Variants in CCDC149 observed in about 807,000 individuals in gnomAD.
The protein encoded by CCDC149 is coiled-coil domain containing 149.
CCDC149 carries 45 observed loss-of-function variants against 59.9 expected under a neutral mutation model. That is an observed-to-expected ratio of 0.75 (90% confidence interval 0.59 to 0.96). CCDC149 has a LOEUF of 0.96. Ranked by LOEUF, CCDC149 falls within the 40% of genes least tolerant of loss-of-function variation. The probability of loss-of-function intolerance (pLI) is 0.00; values close to 1 mark genes in which losing one functional copy is unlikely to be tolerated. For missense variants in CCDC149, 584 were observed against 664.7 expected, an observed-to-expected ratio of 0.88 and a Z score of 1.33; for synonymous variants, 245 against 260.6, an observed-to-expected ratio of 0.94 and a Z score of 0.58.
At chr4:24,880,331 G>A (rs181391513) in intron 1 of CCDC149, among the ~76,000 whole-genome samples, 13 of 152,214 alleles carry the variant, frequency 8.5e-5, no homozygotes, top group African/African-American at 3.1e-4. Flanking sequence ...TGCCATCTAG[G>A]TTTGTGTAAG....
chr4:24,873,821 A>G (rs945290487), intron 2 of CCDC149, 102 bp from the exon 3 acceptor site: 13 of 647,596 alleles, frequency 2.0e-5, no homozygotes, highest in Non-Finnish European at 3.3e-5. Flanking sequence ...GACTCTCCCC[A>G]CCCTCCCCAC....
chr4:24,945,034 C>T (rs1309050562), intron 1 of CCDC149, among the ~76,000 whole-genome samples: 1 of 152,134 alleles, frequency 6.6e-6, no homozygotes, highest in Non-Finnish European at 1.5e-5. Flanking sequence ...CCTGTGCAGC[C>T]CCTTCTAGGA....
At chr4:24,854,187 T>C (rs1717857857) in intron 3 of CCDC149, among the ~76,000 whole-genome samples, 1 of 152,184 alleles carries the variant, frequency 6.6e-6, no homozygotes, top group Non-Finnish European at 1.5e-5. Flanking sequence ...ATTCCAGTCT[T>C]TTACTCACAG....
chr4:24,912,088 C>CGGCA (rs1402640809), intron 1 of CCDC149, among the ~76,000 whole-genome samples: 1 of 152,128 alleles, frequency 6.6e-6, no homozygotes, highest in Non-Finnish European at 1.5e-5. Context: ...CAGCTTCTCC[C>CGGCA]GGCAGGCCGG....
chr4:24,866,471 TG>T (rs980616452), intron 3 of CCDC149, among the ~76,000 whole-genome samples: 19 of 152,182 alleles, frequency 1.2e-4, no homozygotes, highest in Non-Finnish European at 2.6e-4. Flanking sequence ...AGGAACTGCT[TG>T]TTTAGCAAAA....
chr4:24,967,768 G>C (rs1012568303), intron 1 of CCDC149, among the ~76,000 whole-genome samples: 1 of 151,704 alleles, frequency 6.6e-6, no homozygotes, highest in Non-Finnish European at 1.5e-5. Context: ...AAGTGGCGGC[G>C]CCCCTCTTGC....
intron 4 of CCDC149, among the ~76,000 whole-genome samples, chr4:24,840,666 T>C (rs1716880446): frequency 6.6e-6 from 1 of 152,120 alleles, no homozygotes; most frequent in African/African-American, 2.4e-5. Context: ...CCCCCACGCA[T>C]AGTGCCAAAG....
chr4:24,834,934 G>A lies in CCDC149; in HGVS notation c.820+14C>T, dbSNP rs753097802. ...ACGCTCATGAGCGGTCTCTCCTGGAGCATGATATCCTACCTTGCTTTGCAG... is the reference window on the plus strand; with the variant it reads ...ACGCTCATGAGCGGTCTCTCCTGGAACATGATATCCTACCTTGCTTTGCAG... On this transcript the variant is annotated intron_variant, in intron 8 of 12. Transcript: ENST00000635206. The A allele has an allele frequency of 8.1e-6, 13 of 1,599,902 alleles. No individual in the cohort carries two copies. Among genetic ancestry groups the A allele is most frequent in the Non-Finnish European group, 1.1e-5 (13 of 1,167,756 alleles).
intron 3 of CCDC149, among the ~76,000 whole-genome samples, chr4:24,870,159 ATAATT>A (rs368261241): frequency 2.0e-5 from 3 of 152,348 alleles, no homozygotes; most frequent in African/African-American, 7.2e-5. Context: ...ATAATGAATA[ATAATT>A]TAATATAAGC....
In CCDC149 at chr4:24,912,437, C is replaced by T. The variant is rs577018229; in HGVS notation, c.63+380G>A. ...GGGCTCGGATTCTCCCCCATGGCAC[C>T]ACCTTCCCGTTTCAGTCCCAGGCGT... On this transcript the variant is annotated intron_variant, in intron 1 of 12. Transcript: ENST00000635206. Among the ~76,000 whole-genome samples, 442 of 152,286 alleles carry T rather than the reference C, an allele frequency of 2.9e-3. 1 individual carries two copies. Among genetic ancestry groups the T allele is most frequent in the Admixed American group, 7.7e-3 (118 of 15,306 alleles).
chr4:24,905,414 C>T (rs7437366), intron 1 of CCDC149, among the ~76,000 whole-genome samples: 32,303 of 77,980 alleles, frequency 0.41, 4,099 homozygotes, highest in Admixed American at 0.47. Context: ...TGCGTGCGTG[C>T]GTGTGTGTGT....
At chr4:24,977,071 G>A (rs901414848) in intron 1 of CCDC149, among the ~76,000 whole-genome samples, 5 of 152,128 alleles carry the variant, frequency 3.3e-5, no homozygotes, top group East Asian at 1.9e-4. Context: ...CTGCTTGCCC[G>A]GGATCCATTA....
At chr4:24,889,828 T>C (rs78070398) in intron 1 of CCDC149, among the ~76,000 whole-genome samples, 3,130 of 152,242 alleles carry the variant, frequency 0.021, 113 homozygotes, top group African/African-American at 0.071. Context: ...TCTGTCTCAG[T>C]AGAAATCCTA....
chr4:24,950,582 G>A (rs902126101), intron 1 of CCDC149, among the ~76,000 whole-genome samples: 5 of 152,182 alleles, frequency 3.3e-5, no homozygotes, highest in Non-Finnish European at 7.3e-5. Context: ...TCTAAACCCT[G>A]CCATGAGCCA....
chr4:24,906,502 A>C lies in CCDC149; in HGVS notation c.63+6315T>G, dbSNP rs932995083. Among the ~76,000 whole-genome samples the C allele has an allele frequency of 7.9e-5, 12 of 151,726 alleles. 1 individual carries two copies. ...CTGCAACCACTGCTTCCTGGGTTCA[A>C]GCAATTCTGTCTCGGCCTCCCGAGT... On this transcript the variant is annotated intron_variant, in intron 1 of 12. Coordinates refer to ENST00000635206, the MANE Select transcript of CCDC149 (RefSeq NM_001330643.2).
chr4:24,888,659 G>T (rs1369120655), intron 1 of CCDC149, among the ~76,000 whole-genome samples: 1 of 152,108 alleles, frequency 6.6e-6, no homozygotes, highest in Non-Finnish European at 1.5e-5. Flanking sequence ...TGCCTGTGGG[G>T]CTGGCCACAT....
At chr4:24,876,761 C>T in intron 1 of CCDC149, 64 bp from the exon 2 acceptor site, 1 of 1,467,470 alleles carries the variant, frequency 6.8e-7, no homozygotes. Context: ...TAAACACACA[C>T]CGTACTTCAC....
At chr4:24,979,727 G>A (rs1724388275) in intron 1 of CCDC149, among the ~76,000 whole-genome samples, 1 of 152,206 alleles carries the variant, frequency 6.6e-6, no homozygotes, top group South Asian at 2.1e-4. Flanking sequence ...AGGAGGAGTT[G>A]CATGGGATGG....
intron 1 of CCDC149, among the ~76,000 whole-genome samples, chr4:24,977,179 A>T (rs758060307): frequency 6.6e-6 from 1 of 152,100 alleles, no homozygotes. Context: ...TGACTGGTTC[A>T]TGGATGGGCA....
Sources: gnomAD v4.1 joint callset for allele counts (sites outside exome capture counted in the v4.1 genomes callset) on GRCh38, gnomAD v4.1.1 for gene constraint, MANE v1.5 for transcripts, NCBI Gene and HGNC (gene_info 2026-07-23, HGNC 2026-07-21) for gene names.